IQGAP1: variants seen among roughly 807,000 people sequenced by gnomAD.
IQGAP1 encodes ras GTPase-activating-like protein IQGAP1.
IQGAP1 carries 66 observed loss-of-function variants against 215.6 expected under a neutral mutation model. The observed-to-expected ratio is 0.31, with a 90% confidence interval of 0.25 to 0.38. The LOEUF (loss-of-function observed/expected upper bound fraction) is 0.38, where lower values mean the gene tolerates loss of function less well. Ranked by LOEUF, IQGAP1 falls within the 10% of genes least tolerant of loss-of-function variation. The pLI is 1.00. For synonymous variants in IQGAP1, 772 were observed against 728.7 expected, an observed-to-expected ratio of 1.06 and a Z score of -0.96; for missense variants, 1,712 against 1,997.1, an observed-to-expected ratio of 0.86 and a Z score of 2.72.
At chr15:90,459,755 T>A (rs1965735593) in intron 15 of IQGAP1, among the ~76,000 whole-genome samples, 1 of 152,182 alleles carries the variant, frequency 6.6e-6, no homozygotes, top group South Asian at 2.1e-4. Flanking sequence ...AGCATCTAAG[T>A]CTCCATCAGC....
intron 15 of IQGAP1, among the ~76,000 whole-genome samples, chr15:90,458,541 A>G (rs1194074908): frequency 2.0e-5 from 3 of 152,228 alleles, no homozygotes; most frequent in Admixed American, 2.0e-4. Context: ...TAGCATACAT[A>G]GAATCATTGC....
intron 28 of IQGAP1, chr15:90,482,661 T>TC (rs1966075889): frequency 2.4e-6 from 2 of 823,098 alleles, no homozygotes; most frequent in South Asian, 8.3e-5. Context: ...TCTCTTTTCT[T>TC]TTTTTTTTTA....
At chr15:90,413,993 A>G (rs1162029069) in intron 2 of IQGAP1, among the ~76,000 whole-genome samples, 1 of 151,964 alleles carries the variant, frequency 6.6e-6, no homozygotes, top group Non-Finnish European at 1.5e-5. Context: ...TTATTCCTGT[A>G]TCTTTAGCCC....
chr15:90,435,298 G>A (rs1319372880), intron 5 of IQGAP1, among the ~76,000 whole-genome samples: 1 of 152,054 alleles, frequency 6.6e-6, no homozygotes, highest in Non-Finnish European at 1.5e-5. Flanking sequence ...GCAACGTAGC[G>A]AGACCCCATT....
intron 18 of IQGAP1, among the ~76,000 whole-genome samples, chr15:90,470,865 T>C (rs548878696): frequency 3.3e-5 from 5 of 152,306 alleles, no homozygotes; most frequent in African/African-American, 1.2e-4. Context: ...TCCAACTCTC[T>C]TCTAATTTTC....
At chr15:90,421,066 G>A (rs1296396264) in intron 2 of IQGAP1, among the ~76,000 whole-genome samples, 1 of 152,224 alleles carries the variant, frequency 6.6e-6, no homozygotes, top group Non-Finnish European at 1.5e-5. Context: ...GAACCCGGAA[G>A]CCAGAGGTTG....
At chr15:90,466,517 G>A in intron 17 of IQGAP1, 81 bp downstream of exon 17, 2 of 1,369,526 alleles carry the variant, frequency 1.5e-6, no homozygotes, top group South Asian at 2.4e-5. Flanking sequence ...AAAGGGATAA[G>A]CTATAGGGAA....
At chr15:90,495,640 T>C (rs1354173290) in intron 36 of IQGAP1, among the ~76,000 whole-genome samples, 1 of 146,666 alleles carries the variant, frequency 6.8e-6, no homozygotes, top group East Asian at 2.0e-4. Flanking sequence ...CTTCTTCTTC[T>C]TTTTCTTCTT....
At chr15:90,442,547 T>C (rs1965466560) in intron 8 of IQGAP1, among the ~76,000 whole-genome samples, 1 of 152,180 alleles carries the variant, frequency 6.6e-6, no homozygotes, top group African/African-American at 2.4e-5. Flanking sequence ...ATTCTTTGTA[T>C]CTCTTATCAT....
chr15:90,440,911 C>G (rs962723356), intron 7 of IQGAP1, among the ~76,000 whole-genome samples: 3 of 152,080 alleles, frequency 2.0e-5, no homozygotes, highest in Admixed American at 2.0e-4. Flanking sequence ...GAGTTCAAGA[C>G]CAGCCTGGCC....
intron 11 of IQGAP1, among the ~76,000 whole-genome samples, chr15:90,452,511 AT>A (rs1419382043): frequency 1.3e-5 from 2 of 152,208 alleles, no homozygotes; most frequent in African/African-American, 4.8e-5. Context: ...TATAGGATGA[AT>A]TGAACGGGAA....
chr15:90,448,743 A>G lies in IQGAP1; in HGVS notation c.1077+7A>G, dbSNP rs776608892. The G allele has an allele frequency of 1.9e-6, 3 of 1,554,256 alleles. No homozygotes were observed. The highest frequency in any genetic ancestry group is 2.1e-5 in the Admixed American group (1 of 48,438). On this transcript the variant is annotated splice_region_variant and intron_variant, in intron 10 of 37. Transcript: ENST00000268182. ...TAAACAGCAGAAGAGACAGGTAAAC[A>G]TAGTCTGGATTGAAGCTGCAAGAGT...
At chr15:90,448,489 T>C in intron 9 of IQGAP1, 84 bp from the exon 10 acceptor site, 1 of 1,201,032 alleles carries the variant, frequency 8.3e-7, no homozygotes, top group East Asian at 2.6e-5. Flanking sequence ...TATCTGGAAC[T>C]GAGATTGGTT....
intron 15 of IQGAP1, among the ~76,000 whole-genome samples, chr15:90,462,041 G>A (rs1021901575): frequency 1.5e-4 from 23 of 149,618 alleles, no homozygotes; most frequent in Admixed American, 1.1e-3. Context: ...AGGCGCCTGC[G>A]CCTTTAGTCC....
Position 90,483,431 on chromosome 15 carries a change from T to C in IQGAP1, c.3626T>C (p.Ile1209Thr). The C allele has an allele frequency of 1.9e-6, 3 of 1,614,226 alleles. No individual in the cohort carries two copies. Among genetic ancestry groups the C allele is most frequent in the Non-Finnish European group, 2.5e-6 (3 of 1,180,036 alleles). ...AIVAPDAFDI[I>T]DLSAGGQLTT... ...GTTGCTCCTGATGCCTTTGACATCA[T>C]TGACCTGTCAGCAGGAGGCCAGCTT... Residue 1209 changes from isoleucine to threonine, a missense_variant, in exon 29 of 38, where the codon ATT (isoleucine) becomes ACT (threonine). Transcript: ENST00000268182.
intron 15 of IQGAP1, among the ~76,000 whole-genome samples, chr15:90,457,266 TTC>T (rs1356849597): frequency 6.6e-6 from 1 of 152,124 alleles, no homozygotes; most frequent in African/African-American, 2.4e-5. Context: ...TGTGTCTGGC[TTC>T]TGTTGCCCTA....
At chr15:90,493,136 G>A (rs757345910) in intron 35 of IQGAP1, among the ~76,000 whole-genome samples, 1 of 152,036 alleles carries the variant, frequency 6.6e-6, no homozygotes, top group Non-Finnish European at 1.5e-5. Context: ...CCAGCTACTT[G>A]GGAGGCTGAG....
At chr15:90,408,532 C>T (rs560996169) in intron 2 of IQGAP1, among the ~76,000 whole-genome samples, 9 of 152,068 alleles carry the variant, frequency 5.9e-5, no homozygotes, top group South Asian at 2.1e-4. Context: ...AAGTTTGGAA[C>T]GAGAAGAGAT....
chr15:90,404,610 T>G (rs8033897), intron 2 of IQGAP1, among the ~76,000 whole-genome samples: 23,407 of 152,192 alleles, frequency 0.15, 2,043 homozygotes, highest in South Asian at 0.23. Context: ...CCTTTAATTT[T>G]TTTTTTTTGA....
Sources: gnomAD v4.1 joint callset for allele counts (sites outside exome capture counted in the v4.1 genomes callset) on GRCh38, gnomAD v4.1.1 for gene constraint, MANE v1.5 for transcripts, NCBI Gene and HGNC (gene_info 2026-07-23, HGNC 2026-07-21) for gene names.